RAP1GDS1: variants seen among roughly 807,000 people sequenced by gnomAD.
RAP1GDS1 encodes the protein RAP1, GTP-GDP dissociation stimulator 1.
In RAP1GDS1, 35 loss-of-function variants were observed where a neutral mutation model predicts 71.1. The ratio of observed to expected loss-of-function variants is 0.49; its 90% CI spans 0.38 to 0.65. The LOEUF (loss-of-function observed/expected upper bound fraction) is 0.65. Among genes scored for constraint, RAP1GDS1 ranks in the 30% least tolerant of loss-of-function variants. RAP1GDS1 has a pLI of 0.00. For synonymous variants in RAP1GDS1, 229 were observed against 243.1 expected, an observed-to-expected ratio of 0.94 and a Z score of 0.54; for missense variants, 663 against 706.1, an observed-to-expected ratio of 0.94 and a Z score of 0.69.
chr4:98,310,987 T>C (rs747897924), intron 2 of RAP1GDS1, among the ~76,000 whole-genome samples: 2 of 152,178 alleles, frequency 1.3e-5, no homozygotes, highest in African/African-American at 2.4e-5. Flanking sequence ...ATAAAATTAT[T>C]TGGAAAGATT....
In RAP1GDS1 at chr4:98,378,903, G is replaced by T; in HGVS notation, c.362-114G>T. On this transcript the variant is annotated intron_variant, in intron 4 of 14. Coordinates refer to ENST00000408927, the MANE Select transcript of RAP1GDS1 (RefSeq NM_001100427.2). ...AAGACATATTTAATGTCCTGCCTAGGTTTATTTTCTATTTATTCACAAAAT... is the reference window on the plus strand; with the variant it reads ...AAGACATATTTAATGTCCTGCCTAGTTTTATTTTCTATTTATTCACAAAAT... 7 of 1,020,008 alleles carry T rather than the reference G, an allele frequency of 6.9e-6. No individual in the cohort carries two copies. In the South Asian group the frequency reaches 9.5e-5, roughly 14 times the overall value. The allele number at this position is 1,020,008 out of a possible 1,614,324, so 63.2% of individuals were successfully genotyped here. A position where few individuals can be genotyped will look rare whatever the true frequency, so the allele number is the denominator to read the frequency against.
chr4:98,418,653 T>G lies in RAP1GDS1; in HGVS notation c.1040-4T>G, dbSNP rs1578816035. 1 of 1,583,726 alleles carries G rather than the reference T, an allele frequency of 6.3e-7. No homozygotes were observed. The highest frequency in any genetic ancestry group is 2.2e-5 in the East Asian group (1 of 44,594). ...AAGAAAAAGATGTGTGTTTTTTTTT[T>G]CAGATGCAAATTGTATTCATATGGT... On this transcript the variant is annotated splice_polypyrimidine_tract_variant and splice_region_variant and intron_variant, in intron 9 of 14. Transcript: ENST00000408927.
intron 2 of RAP1GDS1, among the ~76,000 whole-genome samples, chr4:98,318,611 T>G (rs1731296699): frequency 6.6e-6 from 1 of 152,200 alleles, no homozygotes; most frequent in Non-Finnish European, 1.5e-5. Context: ...AGTAGGCTGC[T>G]ATTGACCTTC....
chr4:98,264,579 G>C (rs1722474885), intron 1 of RAP1GDS1, among the ~76,000 whole-genome samples: 1 of 152,146 alleles, frequency 6.6e-6, no homozygotes, highest in African/African-American at 2.4e-5. Flanking sequence ...AGTGTACTGG[G>C]AGGACAAAGA....
intron 1 of RAP1GDS1, among the ~76,000 whole-genome samples, chr4:98,283,351 T>C (rs937849543): frequency 6.6e-6 from 1 of 152,188 alleles, no homozygotes; most frequent in Admixed American, 6.6e-5. Context: ...GATGTGGTGG[T>C]AAGCTCTAAT....
chr4:98,335,269 C>A (rs767473342), intron 2 of RAP1GDS1, among the ~76,000 whole-genome samples: 6 of 152,172 alleles, frequency 3.9e-5, no homozygotes, highest in Non-Finnish European at 8.8e-5. Context: ...CTGTGTCCAT[C>A]AGGCTACAAG....
intron 2 of RAP1GDS1, among the ~76,000 whole-genome samples, chr4:98,337,335 A>C (rs960198756): frequency 5.3e-5 from 8 of 152,224 alleles, no homozygotes; most frequent in Non-Finnish European, 1.0e-4. Context: ...TACTCTTGTA[A>C]AATGTGTTAA....
In RAP1GDS1 at chr4:98,422,068, C is replaced by T. The variant is rs913251964; in HGVS notation, c.1440+674C>T. Among the ~76,000 whole-genome samples, 21 of 151,676 alleles carry T rather than the reference C, an allele frequency of 1.4e-4. 1 individual carries two copies. The highest frequency in any genetic ancestry group is 3.4e-4 in the African/African-American group (14 of 41,440). ...AAAAAAAATTAGCTGGGCGTGGTGG[C>T]GGGCACCTGTAGTCCCAGCTACTCG... On this transcript the variant is annotated intron_variant, in intron 12 of 14. Coordinates refer to ENST00000408927, the MANE Select transcript of RAP1GDS1 (RefSeq NM_001100427.2).
intron 3 of RAP1GDS1, among the ~76,000 whole-genome samples, chr4:98,346,558 AT>A (rs898244782): frequency 2.3e-3 from 325 of 143,886 alleles, no homozygotes; most frequent in Middle Eastern, 0.01. Flanking sequence ...ATGATTATTT[AT>A]TTTTTTTTTT....
intron 3 of RAP1GDS1, among the ~76,000 whole-genome samples, chr4:98,345,758 A>G (rs184307683): frequency 2.0e-5 from 3 of 152,336 alleles, no homozygotes; most frequent in Admixed American, 2.0e-4. Context: ...CTTACCTGTC[A>G]TCACACTTAA....
chr4:98,381,861 A>C (rs1315054956), intron 5 of RAP1GDS1, among the ~76,000 whole-genome samples: 1 of 151,572 alleles, frequency 6.6e-6, no homozygotes. Context: ...GAGAGTGGTC[A>C]CAAAAATCCA....
chr4:98,382,789 G>T (rs1742199144), intron 5 of RAP1GDS1, among the ~76,000 whole-genome samples: 1 of 151,600 alleles, frequency 6.6e-6, no homozygotes, highest in Non-Finnish European at 1.5e-5. Context: ...ACTTGGAAGA[G>T]AAACATGTTA....
intron 1 of RAP1GDS1, among the ~76,000 whole-genome samples, chr4:98,289,437 GA>G (rs1335596077): frequency 6.6e-6 from 1 of 151,168 alleles, no homozygotes; most frequent in Non-Finnish European, 1.5e-5. Context: ...GTGTGCTTGG[GA>G]AAAAGCCAAT....
At chr4:98,293,573 C>A in intron 2 of RAP1GDS1, 58 bp downstream of exon 2, 1 of 1,237,348 alleles carries the variant, frequency 8.1e-7, no homozygotes, top group South Asian at 1.3e-5. Flanking sequence ...AGTAGTCATT[C>A]AGAAACTGGT....
In RAP1GDS1 at chr4:98,350,069, T is replaced by G. The variant is rs531661818; in HGVS notation, c.236-2407T>G. Reference sequence around the variant, plus strand: ...AGTAAAAAATGGTTCCAAAGAGTTTTGATTCCACAATTTTTCTGTAATTAT... The same window carrying G: ...AGTAAAAAATGGTTCCAAAGAGTTTGGATTCCACAATTTTTCTGTAATTAT... On this transcript the variant is annotated intron_variant, in intron 3 of 14. Coordinates refer to ENST00000408927, the MANE Select transcript of RAP1GDS1 (RefSeq NM_001100427.2). 1.1e-4 allele frequency among the ~76,000 whole-genome samples: 16 copies of G among 152,370 alleles called. No homozygotes were observed. In the South Asian group the frequency reaches 3.3e-3, roughly 32 times the overall value.
chr4:98,415,755 A>C (rs1347167674), intron 7 of RAP1GDS1, among the ~76,000 whole-genome samples: 2 of 152,194 alleles, frequency 1.3e-5, no homozygotes, highest in Non-Finnish European at 2.9e-5. Flanking sequence ...ATGTTTAGCC[A>C]TCAGAAAGGT....
At chr4:98,263,750 A>G (rs1722345089) in intron 1 of RAP1GDS1, among the ~76,000 whole-genome samples, 1 of 152,206 alleles carries the variant, frequency 6.6e-6, no homozygotes, top group African/African-American at 2.4e-5. Context: ...CAACTTTTGA[A>G]CCTGAAGATA....
In RAP1GDS1 at chr4:98,432,977, A is replaced by G. The variant is rs954339709; in HGVS notation, c.1441-959A>G. On this transcript the variant is annotated intron_variant, in intron 12 of 14. Coordinates refer to ENST00000408927, the MANE Select transcript of RAP1GDS1 (RefSeq NM_001100427.2). ...CTTTGTAATAACAAAAACCTATGAGATATATACTTACATCATTCCAGTGAC... is the reference window on the plus strand; with the variant it reads ...CTTTGTAATAACAAAAACCTATGAGGTATATACTTACATCATTCCAGTGAC... 2.6e-5 allele frequency among the ~76,000 whole-genome samples: 4 copies of G among 152,120 alleles called. No individual in the cohort carries two copies. The South Asian group carries it at 8.3e-4, about 32-fold the overall frequency.
chr4:98,351,846 G>A (rs1737245129), intron 3 of RAP1GDS1, among the ~76,000 whole-genome samples: 1 of 151,962 alleles, frequency 6.6e-6, no homozygotes, highest in African/African-American at 2.4e-5. Context: ...ACCTGTAAAT[G>A]TATGGGTATA....
Sources: gnomAD v4.1 joint callset for allele counts (sites outside exome capture counted in the v4.1 genomes callset) on GRCh38, gnomAD v4.1.1 for gene constraint, MANE v1.5 for transcripts, NCBI Gene and HGNC (gene_info 2026-07-23, HGNC 2026-07-21) for gene names.